FKBP15: variants seen among roughly 807,000 people sequenced by gnomAD.
FKBP15 encodes the protein FKBP prolyl isomerase family member 15.
FKBP15 carries 106 observed loss-of-function variants against 158.1 expected under a neutral mutation model. The ratio of observed to expected loss-of-function variants is 0.67; its 90% CI spans 0.57 to 0.79. The LOEUF (loss-of-function observed/expected upper bound fraction) is 0.79. Among genes scored for constraint, FKBP15 ranks in the 30% least tolerant of loss-of-function variants. The probability of loss-of-function intolerance (pLI) is 0.00; values close to 1 mark genes in which losing one functional copy is unlikely to be tolerated. For synonymous variants in FKBP15, 547 were observed against 548.6 expected (o/e 1.00, Z 0.04); for missense variants, 1,287 against 1,479.1 (o/e 0.87, Z 2.13).
intron 9 of FKBP15, 147 bp from the exon 10 acceptor site, chr9:113,194,316 A>G (rs1217207174): frequency 1.1e-5 from 6 of 543,860 alleles, no homozygotes; most frequent in Non-Finnish European, 1.9e-5. Context: ...ACCTAATGCT[A>G]GATGACAAGT....
chr9:113,181,093 T>C (rs2118882590), intron 19 of FKBP15, among the ~76,000 whole-genome samples: 1 of 152,354 alleles, frequency 6.6e-6, no homozygotes, highest in African/African-American at 2.4e-5. Context: ...ATCCCAGTCA[T>C]ATGCATCAAG....
chr9:113,173,671 G>C, intron 22 of FKBP15, 66 bp from the exon 23 acceptor site: 1 of 1,523,108 alleles, frequency 6.6e-7, no homozygotes, highest in Non-Finnish European at 8.9e-7. Context: ...ATTGCACCTA[G>C]GGAAACCCAT....
At chr9:113,188,306 C>T (rs1355771831) in intron 13 of FKBP15, 83 bp downstream of exon 13, 4 of 1,056,318 alleles carry the variant, frequency 3.8e-6, no homozygotes, top group Admixed American at 1.9e-5. Flanking sequence ...TGAAACAATG[C>T]AGCCTAACAG....
At chr9:113,178,245 G>A (rs34345384) in intron 20 of FKBP15, among the ~76,000 whole-genome samples, 20,944 of 152,106 alleles carry the variant, frequency 0.14, 1,878 homozygotes, top group Non-Finnish European at 0.19. Context: ...GTGTGAGGCT[G>A]AAGAGTTGCA....
intron 6 of FKBP15, among the ~76,000 whole-genome samples, chr9:113,200,811 C>T (rs963954818): frequency 1.3e-5 from 2 of 151,864 alleles, no homozygotes; most frequent in African/African-American, 4.8e-5. Context: ...TTTGGGAGGC[C>T]GAGGTGGGCG....
At position 113,161,477 on chromosome 9, in the gene FKBP15, C is replaced by G; in HGVS notation, c.*4601G>C. ...TGGAAGGGAAACAGTGCTGGCCTGG[C>G]CAGGTCTCCACAACTCTGCCTCCTT... On this transcript the variant is annotated 3_prime_UTR_variant, in exon 28 of 28. Coordinates refer to ENST00000238256, the MANE Select transcript of FKBP15 (RefSeq NM_015258.2). 6.2e-7 allele frequency: 1 copy of G among 1,607,954 alleles called. No individual in the cohort carries two copies. The highest frequency in any genetic ancestry group is 8.5e-7 in the Non-Finnish European group (1 of 1,175,406).
chr9:113,180,949 A>G (rs1208952698), intron 19 of FKBP15, among the ~76,000 whole-genome samples: 1 of 152,214 alleles, frequency 6.6e-6, no homozygotes, highest in Non-Finnish European at 1.5e-5. Context: ...GACCTTGCCC[A>G]TCTCCCTTTA....
rs1301656818 is a variant in FKBP15 at position 113,184,479 on chromosome 9, G to C, written c.1609-80C>G. The C allele has an allele frequency of 8.6e-7, 1 of 1,162,592 alleles. No individual in the cohort carries two copies. Among genetic ancestry groups the C allele is most frequent in the East Asian group, 2.6e-5 (1 of 39,210 alleles). The allele number at this position is 1,162,592 out of a possible 1,614,324, so 72.0% of individuals were successfully genotyped here. A position where few individuals can be genotyped will look rare whatever the true frequency, so the allele number is the denominator to read the frequency against. ...AATTTACCCAAGATTTGACCCTGTT[G>C]TTAAGGGGGTTAATGAGTTCCTGGG... On this transcript the variant is annotated intron_variant, in intron 16 of 27. Coordinates refer to ENST00000238256, the MANE Select transcript of FKBP15 (RefSeq NM_015258.2). This position sits in a 1 kb window ranked among gnomAD's most constrained non-coding sequence, Gnocchi z 4.5.
In FKBP15 at chr9:113,169,587, G is replaced by A. The variant is rs370970009; in HGVS notation, c.3122C>T (p.Pro1041Leu). The stretch of plus-strand genomic sequence containing the variant: ...TAGGGGCTCAGGTGGAATTGAAGTC[G>A]GGGGCCCTAGAACTCTGTGGGATGG... ...CIPSHRVLGP[P>L]TSIPPEPLGP... The change falls in exon 26 of 28, where the codon CCG becomes CTG. Residue 1041 changes from proline (P) to leucine (L), a missense_variant. By Grantham distance (98) the Pro-to-Leu change is moderately conservative (BLOSUM62 -3). Coordinates refer to ENST00000238256, the MANE Select transcript of FKBP15 (RefSeq NM_015258.2). The A allele has an allele frequency of 8.1e-6, 13 of 1,613,894 alleles. No individual in the cohort carries two copies. The highest frequency in any genetic ancestry group is 3.3e-4 in the Middle Eastern group (2 of 6,084).
chr9:113,167,243 G>A (rs1398638587), intron 27 of FKBP15, among the ~76,000 whole-genome samples: 1 of 152,132 alleles, frequency 6.6e-6, no homozygotes, highest in Non-Finnish European at 1.5e-5. Flanking sequence ...TGGGATAAAA[G>A]TACCTACCTC....
intron 26 of FKBP15, among the ~76,000 whole-genome samples, 176 bp downstream of exon 26, chr9:113,169,033 CCCGCCACACTACTGT>C (rs1830152845): frequency 2.6e-5 from 4 of 151,986 alleles, no homozygotes; most frequent in Admixed American, 1.3e-4. Flanking sequence ...TACCACAGGG[CCCGCCACACTACTGT>C]AGGGCCCGCC....
chr9:113,184,285 C>A lies in FKBP15; in HGVS notation c.1716+7G>T. 6.3e-7 allele frequency: 1 copy of A among 1,576,636 alleles called. No homozygotes were observed. On this transcript the variant is annotated splice_region_variant and intron_variant, in intron 17 of 27. Transcript: ENST00000238256. The surrounding 1 kb of genome is among the most constrained non-coding windows in gnomAD (Gnocchi z 4.5). ...AGCCTGAGTGGTATGTTCTTAATCA[C>A]CCTCACCTGAATGATTCGCTGGATG...
chr9:113,203,046 G>A lies in FKBP15; in HGVS notation c.325-11C>T. On this transcript the variant is annotated splice_polypyrimidine_tract_variant and intron_variant, in intron 4 of 27. Transcript: ENST00000238256. ...AAGAAGAATCCTATACTGTAGACAA[G>A]CAACGACAGATAGAAAAAAAAAAAG... 6.4e-7 allele frequency: 1 copy of A among 1,560,266 alleles called. No individual in the cohort carries two copies. Among genetic ancestry groups the A allele is most frequent in the Non-Finnish European group, 8.7e-7 (1 of 1,150,772 alleles).
chr9:113,162,499 C>T lies in FKBP15; in HGVS notation c.*3579G>A, dbSNP rs1484726561. On this transcript the variant is annotated 3_prime_UTR_variant, in exon 28 of 28. Transcript: ENST00000238256. ...ACAGATTATAGATACCCTCATTTTC[C>T]CCTTTGCCTAGGATGCCAGGAAGCT... The T allele has an allele frequency of 2.8e-6, 1 of 362,616 alleles. No homozygotes were observed. Among genetic ancestry groups the T allele is most frequent in the South Asian group, 4.6e-5 (1 of 21,842 alleles). 22.5% of individuals were successfully genotyped at this position (362,616 alleles called of 1,614,324 possible).
At position 113,196,994 on chromosome 9, in the gene FKBP15, C is replaced by G. The variant is rs1387756177; in HGVS notation, c.802G>C (p.Gly268Arg). The G allele has an allele frequency of 1.9e-6, 3 of 1,613,878 alleles. No individual in the cohort carries two copies. Among genetic ancestry groups the G allele is most frequent in the Non-Finnish European group, 2.5e-6 (3 of 1,179,892 alleles). ...GTTGCTTGAGTCCAGCCTATTACCC[C>G]TTCTGAGCCAACAGCACAGGCTGGA... is the stretch of plus-strand genomic sequence containing the variant. ...VPPACAVGSE[G>R]VIGWTQATDS... Residue 268 changes from glycine to arginine, a missense_variant, in exon 9 of 28, where the codon GGG becomes CGG. Physicochemically the swap from Gly to Arg is moderately radical, Grantham distance 125. Coordinates refer to ENST00000238256, the MANE Select transcript of FKBP15 (RefSeq NM_015258.2).
intron 4 of FKBP15, 22 bp from the exon 5 acceptor site, chr9:113,203,057 T>TA: frequency 2.7e-6 from 4 of 1,472,942 alleles, no homozygotes; most frequent in South Asian, 1.3e-5. Context: ...CAACGACAGA[T>TA]AGAAAAAAAA....
In FKBP15 at chr9:113,163,905, C is replaced by CTGAT. The variant is rs944907868; in HGVS notation, c.*2169_*2172dup. On this transcript the variant is annotated 3_prime_UTR_variant, in exon 28 of 28. Transcript: ENST00000238256. ...AAACATGATTCATTCACTTAAAATA[C>CTGAT]TGATTAAGCCATGGGCAGGTACTGA... is the stretch of plus-strand genomic sequence containing the variant. The CTGAT allele has an allele frequency of 5.3e-5, 3 of 56,730 alleles. No individual in the cohort carries two copies. The highest frequency in any genetic ancestry group is 1.9e-4 in the African/African-American group (3 of 15,836). The allele number at this position is 56,730 out of a possible 1,614,324, so 3.5% of individuals were successfully genotyped here. A position where few individuals can be genotyped will look rare whatever the true frequency, so the allele number is the denominator to read the frequency against.
In FKBP15 at chr9:113,183,767, T is replaced by A. The variant is rs1830440663; in HGVS notation, c.1795A>T (p.Ile599Phe). The A allele has an allele frequency of 6.2e-7, 1 of 1,612,990 alleles. No individual in the cohort carries two copies. Among genetic ancestry groups the A allele is most frequent in the African/African-American group, 1.3e-5 (1 of 74,926 alleles). The change falls in exon 18 of 28, where the codon ATT becomes TTT. Residue 599 changes from isoleucine (I) to phenylalanine (F), a missense_variant. Physicochemically the swap from Ile to Phe is conservative, Grantham distance 21. Coordinates refer to ENST00000238256, the MANE Select transcript of FKBP15 (RefSeq NM_015258.2). ...TGTCATTACCTCTGATTTCGTTCAA[T>A]TAGTTCACTAATCTTGTCATTCTGT... ...EEQNDKISEL[I>F]ERNQRYVEQS...
rs12982 is a variant in FKBP15, at chr9:113,163,718, T to A, written c.*2360A>T. 0.07 allele frequency: 10,679 copies of A among 152,506 alleles called. 623 individuals are homozygous for A. Among genetic ancestry groups the A allele is most frequent in the East Asian group, 0.24 (1,245 of 5,168 alleles). 9.4% of individuals were successfully genotyped at this position (152,506 alleles called of 1,614,324 possible). A position where few individuals can be genotyped will look rare whatever the true frequency, so the allele number is the denominator to read the frequency against. Reference sequence around the variant, plus strand: ...GAAGGCACTGCCTGCAGGAAGAAGATGATCTGATGGCCGTGGGTGTCTGGG... The same window carrying A: ...GAAGGCACTGCCTGCAGGAAGAAGAAGATCTGATGGCCGTGGGTGTCTGGG... On this transcript the variant is annotated 3_prime_UTR_variant, in exon 28 of 28. Coordinates refer to ENST00000238256, the MANE Select transcript of FKBP15 (RefSeq NM_015258.2).
Sources: allele counts gnomAD v4.1 joint callset (sites outside exome capture counted in the v4.1 genomes callset), GRCh38; gene constraint gnomAD v4.1.1; non-coding constraint Gnocchi (gnomAD v3.1); transcripts MANE v1.5; gene names NCBI Gene and HGNC (gene_info 2026-07-23, HGNC 2026-07-21).